The following GRK5 variants were observed in gnomAD, a reference collection of about 807,000 sequenced individuals.
The protein encoded by GRK5 is G protein-coupled receptor kinase 5, also known as g protein-coupled receptor kinase GRK5.
A neutral mutation model predicts 78.4 loss-of-function variants in GRK5; 40 were observed. The ratio of observed to expected loss-of-function variants is 0.51; its 90% CI spans 0.40 to 0.66. The LOEUF is 0.66. Among genes scored for constraint, GRK5 ranks in the 30% least tolerant of loss-of-function variants. GRK5 has a pLI of 0.00. For synonymous variants in GRK5, 289 were observed against 296.8 expected, an observed-to-expected ratio of 0.97 and a Z score of 0.27; for missense variants, 598 against 759.9, an observed-to-expected ratio of 0.79 and a Z score of 2.50.
chr10:119,414,318 C>T (rs549385615), intron 4 of GRK5, among the ~76,000 whole-genome samples: 2 of 152,330 alleles, frequency 1.3e-5, no homozygotes, highest in South Asian at 2.1e-4. Flanking sequence ...CTAATGAGCG[C>T]GGAGCTCCTC....
At chr10:119,296,681 T>C (rs1850087868) in intron 1 of GRK5, among the ~76,000 whole-genome samples, 1 of 152,256 alleles carries the variant, frequency 6.6e-6, no homozygotes, top group Non-Finnish European at 1.5e-5. Flanking sequence ...TGAGCGTCTC[T>C]CATGGCTTTG....
At chr10:119,351,470 T>G (rs1564901463) in intron 2 of GRK5, among the ~76,000 whole-genome samples, 1 of 152,190 alleles carries the variant, frequency 6.6e-6, no homozygotes. Flanking sequence ...AAAACCCCTT[T>G]CACTTGGCTC....
chr10:119,413,813 G>A (rs1046981225), intron 4 of GRK5, among the ~76,000 whole-genome samples: 7 of 152,270 alleles, frequency 4.6e-5, no homozygotes, highest in Admixed American at 6.5e-5. Flanking sequence ...CTCAGGGGCC[G>A]TGACTGTTAG....
chr10:119,424,361 G>A (rs918767058), intron 5 of GRK5, among the ~76,000 whole-genome samples: 1 of 152,224 alleles, frequency 6.6e-6, no homozygotes, highest in Non-Finnish European at 1.5e-5. Flanking sequence ...GCTGCCTGCA[G>A]ACAGTTTCAG....
intron 1 of GRK5, among the ~76,000 whole-genome samples, chr10:119,318,590 T>C (rs4752284): frequency 0.69 from 105,327 of 151,990 alleles, 38,104 homozygotes; most frequent in Non-Finnish European, 0.79. Context: ...CTGTGCCAGG[T>C]GATCACAGGG....
intron 8 of GRK5, among the ~76,000 whole-genome samples, chr10:119,435,698 C>T (rs1484189596): frequency 6.6e-6 from 1 of 152,220 alleles, no homozygotes; most frequent in Non-Finnish European, 1.5e-5. Context: ...CTGAGCCCTT[C>T]AAACTCTTCC....
At chr10:119,280,284 A>G (rs1849741053) in intron 1 of GRK5, among the ~76,000 whole-genome samples, 2 of 152,258 alleles carry the variant, frequency 1.3e-5, no homozygotes, top group Admixed American at 6.5e-5. Flanking sequence ...CATGGTGACA[A>G]AAAGTTAGTG....
At chr10:119,223,143 G>C (rs746706544) in intron 1 of GRK5, among the ~76,000 whole-genome samples, 1 of 152,176 alleles carries the variant, frequency 6.6e-6, no homozygotes, top group African/African-American at 2.4e-5. Context: ...ACCCGTTCCA[G>C]GCCTCTCTCC....
At chr10:119,340,906 G>C (rs1850970777) in intron 2 of GRK5, among the ~76,000 whole-genome samples, 1 of 152,180 alleles carries the variant, frequency 6.6e-6, no homozygotes, top group South Asian at 2.1e-4. Flanking sequence ...CCTTTGGTTG[G>C]ACAAATGGCC....
At chr10:119,447,472 G>A (rs1239631587) in intron 12 of GRK5, among the ~76,000 whole-genome samples, 1 of 152,156 alleles carries the variant, frequency 6.6e-6, no homozygotes, top group East Asian at 1.9e-4. Context: ...TGCTTTGCTG[G>A]TGCAGTTCCC....
At chr10:119,394,499 CTG>C (rs1263514956) in intron 3 of GRK5, among the ~76,000 whole-genome samples, 1 of 56,636 alleles carries the variant, frequency 1.8e-5, no homozygotes, top group Admixed American at 1.6e-4. Flanking sequence ...ATCTGCGTGT[CTG>C]TGGGCACGTG....
chr10:119,429,512 T>C (rs944542972), intron 6 of GRK5, among the ~76,000 whole-genome samples: 1 of 150,752 alleles, frequency 6.6e-6, no homozygotes, highest in South Asian at 2.1e-4. Flanking sequence ...ACAAGCCCTC[T>C]GCACCGTGAT....
chr10:119,448,387 C>T, intron 13 of GRK5, 127 bp downstream of exon 13: 1 of 1,036,752 alleles, frequency 9.6e-7, no homozygotes, highest in Non-Finnish European at 1.4e-6. Context: ...GACCAGGGTC[C>T]CCTCCCGGCC....
At chr10:119,279,193 A>G (rs933315891) in intron 1 of GRK5, among the ~76,000 whole-genome samples, 2 of 152,180 alleles carry the variant, frequency 1.3e-5, no homozygotes, top group African/African-American at 4.8e-5. Flanking sequence ...GACCTCTTTT[A>G]TAAAGATATC....
chr10:119,322,386 TAAA>T (rs1169633282), intron 1 of GRK5, among the ~76,000 whole-genome samples: 2 of 152,150 alleles, frequency 1.3e-5, no homozygotes, highest in Admixed American at 6.5e-5. Context: ...TGGTGACAAT[TAAA>T]AATGTCTCCA....
At chr10:119,399,001 T>TGGCCAACCTTGTCCAGA (rs143333112) in intron 4 of GRK5, among the ~76,000 whole-genome samples, 24,393 of 152,140 alleles carry the variant, frequency 0.16, 2,587 homozygotes, top group East Asian at 0.31. Flanking sequence ...GGTTGCCCCG[T>TGGCCAACCTTGTCCAGA]GGCCAACCTT....
At chr10:119,298,275 C>A (rs528284462) in intron 1 of GRK5, among the ~76,000 whole-genome samples, 3 of 152,156 alleles carry the variant, frequency 2.0e-5, no homozygotes, top group Non-Finnish European at 4.4e-5. Flanking sequence ...CCTAATAAGG[C>A]AGATGTGTTC....
intron 1 of GRK5, among the ~76,000 whole-genome samples, chr10:119,246,460 C>A (rs1467037251): frequency 2.0e-5 from 3 of 151,976 alleles, no homozygotes; most frequent in Non-Finnish European, 4.4e-5. Flanking sequence ...TATGTGTATA[C>A]CAAATCATGT....
intron 2 of GRK5, among the ~76,000 whole-genome samples, chr10:119,348,665 A>G (rs539303195): frequency 3.0e-4 from 45 of 152,280 alleles, no homozygotes; most frequent in African/African-American, 1.1e-3. Context: ...CTGTGCTACA[A>G]CCAGCCTGGA....
Sources: allele counts gnomAD v4.1 joint callset (sites outside exome capture counted in the v4.1 genomes callset), GRCh38; gene constraint gnomAD v4.1.1; transcripts MANE v1.5; gene names NCBI Gene and HGNC (gene_info 2026-07-23, HGNC 2026-07-21).